The following MED21 variants were observed in gnomAD, a reference collection of about 807,000 sequenced individuals.
MED21 encodes the protein mediator of RNA polymerase II transcription subunit 21.
Under a neutral mutation model 18.2 loss-of-function variants are expected in MED21, and 9 were observed. That is an observed-to-expected ratio of 0.49 (90% CI 0.30 to 0.86). The LOEUF (loss-of-function observed/expected upper bound fraction) is 0.86, where lower values mean the gene tolerates loss of function less well. Among genes scored for constraint, MED21 ranks in the 40% least tolerant of loss-of-function variants. The pLI, the probability that MED21 is intolerant of heterozygous loss-of-function variation, is 0.07. For missense variants in MED21, 150 were observed against 170.9 expected, an observed-to-expected ratio of 0.88 and a Z score of 0.68; for synonymous variants, 73 against 60.5, an observed-to-expected ratio of 1.21 and a Z score of -0.96.
At chr12:27,037,702 C>T (rs1941658264) in intron 2 of MED21, 1 of 151,980 alleles carries the variant, frequency 6.6e-6, no homozygotes, top group Non-Finnish European at 1.5e-5. Flanking sequence ...TAGAGATGCC[C>T]TTTTAAAAAA....
At chr12:27,033,947 A>AG (rs1241417633), downstream of MED21, among the ~76,000 whole-genome samples, 12 of 152,342 alleles carry the variant, frequency 7.9e-5, no homozygotes, top group Middle Eastern at 3.4e-3. Context: ...AAAGAAAGAA[A>AG]TAATAAAGGT....
intron 1 of MED21, 38 bp from the exon 2 acceptor site, chr12:27,026,382 A>T (rs750746309): frequency 6.0e-5 from 81 of 1,354,402 alleles, no homozygotes; most frequent in Non-Finnish European, 8.2e-5. Context: ...AAAACTGATA[A>T]GTCCTTTCTA....
At chr12:27,023,086 T>G (rs1320803494) in intron 1 of MED21, among the ~76,000 whole-genome samples, 1 of 152,068 alleles carries the variant, frequency 6.6e-6, no homozygotes, top group Non-Finnish European at 1.5e-5. Flanking sequence ...CCGAGAGTAT[T>G]CCTTCACCAG....
intron 1 of MED21, among the ~76,000 whole-genome samples, chr12:27,023,401 G>T (rs993005970): frequency 1.5e-5 from 2 of 131,056 alleles, no homozygotes; most frequent in African/African-American, 5.1e-5. Context: ...CCGGGTTCAA[G>T]CGATTCTCCT....
At chr12:27,031,690 A>G (rs2136493575), downstream of MED21, among the ~76,000 whole-genome samples, 1 of 152,256 alleles carries the variant, frequency 6.6e-6, no homozygotes, top group Admixed American at 6.5e-5. Context: ...AGTCAATGGA[A>G]TGTAGCCATG....
At chr12:27,027,560 G>T in intron 3 of MED21, 113 bp downstream of exon 3, 1 of 690,728 alleles carries the variant, frequency 1.4e-6, no homozygotes, top group Non-Finnish European at 2.4e-6. Context: ...CAACATACCT[G>T]AGACAGTAAT....
At chr12:27,028,164 A>T (rs1453000441) in intron 3 of MED21, 121 bp from the exon 4 acceptor site, 1 of 1,258,410 alleles carries the variant, frequency 7.9e-7, no homozygotes, top group Non-Finnish European at 1.1e-6. Flanking sequence ...TGATTTTTAG[A>T]ATTTCTTTAC....
At chr12:27,032,746 C>T (rs1941628248), downstream of MED21, among the ~76,000 whole-genome samples, 1 of 152,182 alleles carries the variant, frequency 6.6e-6, no homozygotes, top group Non-Finnish European at 1.5e-5. Context: ...CCATTCTTTG[C>T]CTCAAAATAA....
chr12:27,028,319 A>G lies in MED21; in HGVS notation c.293A>G (p.His98Arg), dbSNP rs770108910. 6.2e-7 allele frequency: 1 copy of G among 1,614,108 alleles called. No individual in the cohort carries two copies. The highest frequency in any genetic ancestry group is 8.5e-7 in the Non-Finnish European group (1 of 1,179,958). ...ASLYKLEEEN[H>R]EAATCLEDVV... Reference sequence around the variant, plus strand: ...TTGTATAAGCTAGAAGAAGAAAACCATGAAGCTGCTACATGTCTGGAGGAT... The same window carrying G: ...TTGTATAAGCTAGAAGAAGAAAACCGTGAAGCTGCTACATGTCTGGAGGAT... Residue 98 changes from histidine (H) to arginine (R), a missense_variant, in exon 4 of 4, where the codon CAT becomes CGT. By Grantham distance (29) the His-to-Arg change is conservative (BLOSUM62 0). Coordinates refer to ENST00000282892, the MANE Select transcript of MED21 (RefSeq NM_004264.5).
At chr12:27,026,573 A>C in intron 2 of MED21, 39 bp downstream of exon 2, 9 of 1,288,474 alleles carry the variant, frequency 7.0e-6, no homozygotes, top group African/African-American at 1.5e-5. Flanking sequence ...TTTGACTCTC[A>C]CATTTTTTGT....
At position 27,030,213 on chromosome 12, in the gene MED21, G is replaced by A; in HGVS notation, c.*1752G>A. On this transcript the variant is annotated 3_prime_UTR_variant, in exon 4 of 4. Transcript: ENST00000282892. The stretch of plus-strand genomic sequence containing the variant: ...AGTTCTGTGATCATGGCTCACTGCA[G>A]CTTCACCCTGGGTTCAGGTGATCCT... 1 of 641,474 alleles carries A rather than the reference G, an allele frequency of 1.6e-6. No homozygotes were observed. The highest frequency in any genetic ancestry group is 2.8e-5 in the East Asian group (1 of 35,484). The allele number at this position is 641,474 out of a possible 1,614,324, so 39.7% of individuals were successfully genotyped here.
At chr12:27,034,570 C>T (rs1276536353), downstream of MED21, among the ~76,000 whole-genome samples, 1 of 152,148 alleles carries the variant, frequency 6.6e-6, no homozygotes, top group African/African-American at 2.4e-5. Context: ...CCTCAGCCTC[C>T]CGAGTAGCTG....
chr12:27,035,583 C>G (rs978546084), downstream of MED21, among the ~76,000 whole-genome samples: 1 of 97,140 alleles, frequency 1.0e-5, no homozygotes, highest in Admixed American at 1.3e-4. Context: ...TGCTATCCCT[C>G]CCCCCTCCCC....
intron 1 of MED21, 77 bp from the exon 2 acceptor site, chr12:27,026,342 AT>A: frequency 2.5e-6 from 2 of 803,196 alleles, no homozygotes; most frequent in Non-Finnish European, 4.2e-6. Context: ...ACAGAAACTT[AT>A]TGTTGTTGCC....
At position 27,029,037 on chromosome 12, in the gene MED21, C is replaced by T. The variant is rs1026798147; in HGVS notation, c.*576C>T. ...ACCTCATACCTGTTCTAGTTCATCTCCACGTTTATTTTACCAAGAGATCCT... is the reference window on the plus strand; with the variant it reads ...ACCTCATACCTGTTCTAGTTCATCTTCACGTTTATTTTACCAAGAGATCCT... On this transcript the variant is annotated 3_prime_UTR_variant, in exon 4 of 4. Transcript: ENST00000282892. 2 of 985,266 alleles carry T rather than the reference C, an allele frequency of 2.0e-6. No homozygotes were observed. The highest frequency in any genetic ancestry group is 3.5e-5 in the African/African-American group (2 of 57,226). The allele number at this position is 985,266 out of a possible 1,614,324, so 61.0% of individuals were successfully genotyped here.
In MED21 at chr12:27,029,192, A is replaced by T. The variant is rs78400983; in HGVS notation, c.*731A>T. ...CATCACAATGAAGTATGTTTTTTGA[A>T]TCATCAATTCTTTCTCATTCTCCAT... On this transcript the variant is annotated 3_prime_UTR_variant, in exon 4 of 4. Coordinates refer to ENST00000282892, the MANE Select transcript of MED21 (RefSeq NM_004264.5). 4,375 of 985,196 alleles carry T rather than the reference A, an allele frequency of 4.4e-3. 152 individuals carry two copies. In the African/African-American group the frequency reaches 0.07, roughly 16 times the overall value. The allele number at this position is 985,196 out of a possible 1,614,324, so 61.0% of individuals were successfully genotyped here.
chr12:27,022,787 A>G, intron 1 of MED21, 166 bp downstream of exon 1: 3 of 1,524,114 alleles, frequency 2.0e-6, no homozygotes, highest in Non-Finnish European at 1.8e-6. Flanking sequence ...CGGAGGTTTG[A>G]GGCCGGCTGC....
Position 27,027,449 on chromosome 12 carries a change from T to C in MED21, c.258+2T>C. The C allele has an allele frequency of 6.2e-7, 1 of 1,602,566 alleles. No homozygotes were observed. Among genetic ancestry groups the C allele is most frequent in the Non-Finnish European group, 8.5e-7 (1 of 1,170,964 alleles). On this transcript the variant is annotated splice_donor_variant, in intron 3 of 3. Coordinates refer to ENST00000282892, the MANE Select transcript of MED21 (RefSeq NM_004264.5). LOFTEE classifies it high-confidence loss of function. ...GAAGAATCTACAGCTGCTTTACAGGTAAGCCTCTATTCCTTTGAGAATTTT... is the reference window on the plus strand; with the variant it reads ...GAAGAATCTACAGCTGCTTTACAGGCAAGCCTCTATTCCTTTGAGAATTTT...
rs374293876 is a variant in MED21, at chr12:27,028,507, A to G, written c.*46A>G. The stretch of plus-strand genomic sequence containing the variant: ...CTGAGAAAAGAACTGTTTGAGTGCC[A>G]TTAAGAATTCTGCATCAGACTTAGA... On this transcript the variant is annotated 3_prime_UTR_variant, in exon 4 of 4. Coordinates refer to ENST00000282892, the MANE Select transcript of MED21 (RefSeq NM_004264.5). The G allele has an allele frequency of 3.8e-6, 6 of 1,573,114 alleles. No homozygotes were observed. The highest frequency in any genetic ancestry group is 5.2e-6 in the Non-Finnish European group (6 of 1,154,846).
Sources: gnomAD v4.1 joint callset for allele counts (sites outside exome capture counted in the v4.1 genomes callset) on GRCh38, gnomAD v4.1.1 for gene constraint, MANE v1.5 for transcripts, NCBI Gene and HGNC (gene_info 2026-07-23, HGNC 2026-07-21) for gene names.